The following ZMIZ1 variants were observed in gnomAD, a reference collection of about 807,000 sequenced individuals.
The protein encoded by ZMIZ1 is zinc finger MIZ domain-containing protein 1.
ZMIZ1 carries 17 observed loss-of-function variants against 113.9 expected under a neutral mutation model. The observed-to-expected ratio is 0.15, with a 90% CI of 0.10 to 0.22. The LOEUF is 0.22. Among genes scored for constraint, ZMIZ1 ranks in the 10% least tolerant of loss-of-function variants. The pLI is 1.00. For missense variants in ZMIZ1, 1,059 were observed against 1,477.8 expected (o/e 0.72, Z 4.65); for synonymous variants, 607 against 603.1 (o/e 1.01, Z -0.09).
At chr10:79,310,056 C>T (rs1221737017) in intron 23 of ZMIZ1, among the ~76,000 whole-genome samples, 2 of 152,134 alleles carry the variant, frequency 1.3e-5, no homozygotes, top group South Asian at 2.1e-4. Flanking sequence ...TTTCAGTGCA[C>T]GTGCCCACAG....
chr10:79,228,538 T>C (rs1168946227), intron 7 of ZMIZ1, among the ~76,000 whole-genome samples: 1 of 152,234 alleles, frequency 6.6e-6, no homozygotes, highest in African/African-American at 2.4e-5. Flanking sequence ...CCAGGGCCCA[T>C]CTGGCACACA....
intron 1 of ZMIZ1, among the ~76,000 whole-genome samples, chr10:79,088,991 G>A (rs917098976): frequency 1.7e-4 from 26 of 152,338 alleles, no homozygotes; most frequent in African/African-American, 6.0e-4. Flanking sequence ...AGCTGCTCAG[G>A]GAATCAGGTC....
chr10:79,101,792 T>G (rs1263101762), intron 1 of ZMIZ1, among the ~76,000 whole-genome samples: 1 of 152,112 alleles, frequency 6.6e-6, no homozygotes, highest in Non-Finnish European at 1.5e-5. Flanking sequence ...GCTGGAGCTG[T>G]TTCTCACACT....
chr10:79,310,604 G>A (rs2132108081), intron 23 of ZMIZ1, among the ~76,000 whole-genome samples: 1 of 152,178 alleles, frequency 6.6e-6, no homozygotes, highest in Middle Eastern at 3.4e-3. Context: ...TCGTTGTCTG[G>A]GCGGGGAGGT....
chr10:79,304,001 C>T lies in ZMIZ1; in HGVS notation c.2126-14C>T, dbSNP rs1469637422. On this transcript the variant is annotated splice_polypyrimidine_tract_variant and intron_variant, in intron 18 of 24. Coordinates refer to ENST00000334512, the MANE Select transcript of ZMIZ1 (RefSeq NM_020338.4). The stretch of plus-strand genomic sequence containing the variant: ...TCTTGCCATCCTCACCTGTCTGTGC[C>T]TCCTGCCCCGCAGTCAAGCGGAATT... 1.2e-6 allele frequency: 2 copies of T among 1,613,710 alleles called. No individual in the cohort carries two copies. Among genetic ancestry groups the T allele is most frequent in the Non-Finnish European group, 1.7e-6 (2 of 1,179,992 alleles).
At chr10:79,113,368 G>A (rs1439944940) in intron 1 of ZMIZ1, among the ~76,000 whole-genome samples, 2 of 152,240 alleles carry the variant, frequency 1.3e-5, no homozygotes, top group African/African-American at 4.8e-5. Context: ...GTCAGAGCCA[G>A]GAAATGGATC....
intron 1 of ZMIZ1, among the ~76,000 whole-genome samples, chr10:79,095,888 A>G (rs1007651328): frequency 1.2e-4 from 18 of 152,172 alleles, no homozygotes; most frequent in Non-Finnish European, 2.9e-5. Flanking sequence ...CGCTAAAGGC[A>G]CCTTGTGTGT....
At chr10:79,082,461 C>G (rs900727900) in intron 1 of ZMIZ1, among the ~76,000 whole-genome samples, 1 of 152,196 alleles carries the variant, frequency 6.6e-6, no homozygotes, top group Non-Finnish European at 1.5e-5. Context: ...CTGGTGTGAT[C>G]CCTTCCAGGC....
chr10:79,292,069 T>C, intron 10 of ZMIZ1, 89 bp from the exon 11 acceptor site: 1 of 1,302,876 alleles, frequency 7.7e-7, no homozygotes, highest in Non-Finnish European at 1.1e-6. Context: ...TGGGTACAGC[T>C]CCATCATCTC....
At chr10:79,070,138 G>C (rs1213652080) in intron 1 of ZMIZ1, among the ~76,000 whole-genome samples, 1 of 147,928 alleles carries the variant, frequency 6.8e-6, no homozygotes, top group Non-Finnish European at 1.5e-5. Flanking sequence ...CGGGGCTGGA[G>C]CCGGGGTCGG....
At chr10:79,148,785 C>T (rs991556803) in intron 3 of ZMIZ1, among the ~76,000 whole-genome samples, 1 of 152,212 alleles carries the variant, frequency 6.6e-6, no homozygotes, top group Non-Finnish European at 1.5e-5. Context: ...GGGGTCCTGG[C>T]CTCCCACCAG....
intron 8 of ZMIZ1, among the ~76,000 whole-genome samples, chr10:79,279,672 A>G (rs1366132677): frequency 1.3e-5 from 2 of 152,238 alleles, no homozygotes; most frequent in Non-Finnish European, 2.9e-5. Flanking sequence ...AGCCTGGGCA[A>G]CATTGAGCAC....
At position 79,314,995 on chromosome 10, in the gene ZMIZ1, A is replaced by G. The variant is rs1014113584; in HGVS notation, c.*2246A>G. The stretch of plus-strand genomic sequence containing the variant: ...TTTGCCCCAGAAAGGCCTGGGATTC[A>G]TTCTGGTTCTTATCAGGGTGTGTCC... On this transcript the variant is annotated 3_prime_UTR_variant, in exon 25 of 25. Coordinates refer to ENST00000334512, the MANE Select transcript of ZMIZ1 (RefSeq NM_020338.4). 6.5e-6 allele frequency: 1 copy of G among 152,766 alleles called. No homozygotes were observed. The highest frequency in any genetic ancestry group is 2.4e-5 in the African/African-American group (1 of 41,454). The allele number at this position is 152,766 out of a possible 1,614,324, so 9.5% of individuals were successfully genotyped here. A position where few individuals can be genotyped will look rare whatever the true frequency, so the allele number is the denominator to read the frequency against.
At chr10:79,207,779 C>T (rs1280698925) in intron 5 of ZMIZ1, among the ~76,000 whole-genome samples, 1 of 152,110 alleles carries the variant, frequency 6.6e-6, no homozygotes, top group Non-Finnish European at 1.5e-5. Flanking sequence ...AACCCATCAC[C>T]TTATGTGGCT....
At chr10:79,264,127 G>A (rs925851582) in intron 7 of ZMIZ1, among the ~76,000 whole-genome samples, 9 of 152,208 alleles carry the variant, frequency 5.9e-5, no homozygotes, top group Admixed American at 2.0e-4. Flanking sequence ...TGCAGGCTCC[G>A]TGGTTCCTGG....
intron 5 of ZMIZ1, among the ~76,000 whole-genome samples, chr10:79,205,368 A>C (rs1369516667): frequency 6.6e-6 from 1 of 152,206 alleles, no homozygotes; most frequent in Non-Finnish European, 1.5e-5. Flanking sequence ...TGGCCTACAC[A>C]GCAGGCTCAC....
At chr10:79,221,269 C>A (rs1041359858) in intron 7 of ZMIZ1, among the ~76,000 whole-genome samples, 1 of 149,282 alleles carries the variant, frequency 6.7e-6, no homozygotes, top group African/African-American at 2.4e-5. Context: ...TGCATGCATG[C>A]GTGTGTGTGT....
intron 1 of ZMIZ1, among the ~76,000 whole-genome samples, chr10:79,111,468 G>C (rs546643048): frequency 6.6e-6 from 1 of 152,318 alleles, no homozygotes; most frequent in East Asian, 1.9e-4. Flanking sequence ...GCCTGCCCTG[G>C]ACCAAAGAGC....
At chr10:79,229,602 A>G (rs1266376507) in intron 7 of ZMIZ1, among the ~76,000 whole-genome samples, 3 of 152,186 alleles carry the variant, frequency 2.0e-5, no homozygotes. Flanking sequence ...CATAATTATA[A>G]TGACGGCAGA....
Sources: gnomAD v4.1 joint callset for allele counts (sites outside exome capture counted in the v4.1 genomes callset) on GRCh38, gnomAD v4.1.1 for gene constraint, MANE v1.5 for transcripts, NCBI Gene and HGNC (gene_info 2026-07-23, HGNC 2026-07-21) for gene names.